Variants in TBL1X observed in about 807,000 individuals in gnomAD.
TBL1X encodes F-box-like/WD repeat-containing protein TBL1X.
A neutral mutation model predicts 50.7 loss-of-function variants in TBL1X; 10 were observed. The ratio of observed to expected loss-of-function variants is 0.20; its 90% CI spans 0.12 to 0.33. TBL1X has a LOEUF of 0.33. TBL1X is among the 10% of genes least tolerant of loss of function. TBL1X has a pLI of 1.00. For missense variants in TBL1X, 340 were observed against 504.4 expected (o/e 0.67, Z 3.12); for synonymous variants, 190 against 214.7 (o/e 0.88, Z 1.01).
At chrX:9,626,257 C>T (rs1163461003) in intron 2 of TBL1X, among the ~76,000 whole-genome samples, 2 of 111,882 alleles carry the variant, frequency 1.8e-5, no homozygotes, top group African/African-American at 3.3e-5. Flanking sequence ...TGCCCAGACA[C>T]TAAAGTCACA....
intron 2 of TBL1X, among the ~76,000 whole-genome samples, chrX:9,586,996 G>A (rs1314323236): frequency 8.9e-6 from 1 of 112,393 alleles, no homozygotes; most frequent in East Asian, 2.8e-4. Flanking sequence ...AATTAGATTT[G>A]CCTTGTCAGT....
intron 2 of TBL1X, among the ~76,000 whole-genome samples, chrX:9,519,043 G>A (rs148396068): frequency 5.0e-4 from 55 of 110,576 alleles, no homozygotes; most frequent in Non-Finnish European, 7.9e-4. Flanking sequence ...CTGCCTTTGC[G>A]TTCACTATTT....
chrX:9,654,442 T>A, intron 5 of TBL1X, 120 bp downstream of exon 5: 1 of 780,836 alleles, frequency 1.3e-6, no homozygotes, highest in Non-Finnish European at 1.9e-6. Context: ...AAGAAGGTTC[T>A]TAGTGCTGAT....
At chrX:9,578,534 C>T (rs1026318410) in intron 2 of TBL1X, among the ~76,000 whole-genome samples, 6 of 111,473 alleles carry the variant, frequency 5.4e-5, no homozygotes, top group Non-Finnish European at 1.1e-4. Context: ...GAAAGGAGCA[C>T]GAGGAGACGG....
chrX:9,518,242 G>A (rs1452505427), intron 2 of TBL1X, among the ~76,000 whole-genome samples: 1 of 112,495 alleles, frequency 8.9e-6, no homozygotes, highest in African/African-American at 3.2e-5. Context: ...ACAACAAGGG[G>A]TGTTGCAACC....
chrX:9,501,810 A>G lies in TBL1X; in HGVS notation c.-170A>G, dbSNP rs1204929436. 1 of 111,427 alleles carries G rather than the reference A, an allele frequency of 9.0e-6. No homozygotes were observed. The highest frequency in any genetic ancestry group is 3.3e-5 in the African/African-American group (1 of 30,640). The allele number at this position is 111,427 out of a possible 1,213,427, so 9.2% of individuals were successfully genotyped here. ...CGTGAGGGTGGAAGAAAATCATACC[A>G]TATCAGATGCCTCGCAGAGCACCAG... is the stretch of plus-strand genomic sequence containing the variant. On this transcript the variant is annotated 5_prime_UTR_variant, in exon 2 of 18. Coordinates refer to ENST00000645353, the MANE Select transcript of TBL1X (RefSeq NM_005647.4).
chrX:9,480,840 A>G (rs2081878470), intron 1 of TBL1X, among the ~76,000 whole-genome samples: 1 of 98,826 alleles, frequency 1.0e-5, no homozygotes, highest in African/African-American at 3.8e-5. Flanking sequence ...TATTTGGCTT[A>G]TTTGATATAT....
chrX:9,690,088 C>A (rs1173132069), intron 7 of TBL1X, among the ~76,000 whole-genome samples: 2 of 112,407 alleles, frequency 1.8e-5, no homozygotes, highest in African/African-American at 3.2e-5. Context: ...AAACTGTTAA[C>A]CATGGCTAAT....
intron 1 of TBL1X, among the ~76,000 whole-genome samples, chrX:9,500,753 G>GC (rs1287303996): frequency 1.8e-5 from 2 of 112,221 alleles, no homozygotes; most frequent in Non-Finnish European, 3.8e-5. Context: ...AGGGCCATGT[G>GC]CCCAGAGCAT....
intron 2 of TBL1X, among the ~76,000 whole-genome samples, chrX:9,607,043 C>T (rs2082587176): frequency 8.9e-6 from 1 of 112,627 alleles, no homozygotes; most frequent in Admixed American, 9.4e-5. Flanking sequence ...TTCCCTTTTA[C>T]TCAGGATTTC....
chrX:9,668,569 T>G (rs773517124), intron 5 of TBL1X, among the ~76,000 whole-genome samples: 3 of 112,591 alleles, frequency 2.7e-5, no homozygotes, highest in Admixed American at 9.4e-5. Flanking sequence ...ACCTGATTTC[T>G]GCAGAATTTA....
At chrX:9,622,842 G>A (rs140894904) in intron 2 of TBL1X, among the ~76,000 whole-genome samples, 73 of 111,583 alleles carry the variant, frequency 6.5e-4, no homozygotes, top group Middle Eastern at 4.6e-3. Flanking sequence ...GTCATTGTTC[G>A]TATAAACAGC....
intron 1 of TBL1X, among the ~76,000 whole-genome samples, chrX:9,481,162 G>T (rs2081880198): frequency 9.0e-6 from 1 of 111,656 alleles, no homozygotes; most frequent in Admixed American, 9.6e-5. Context: ...TTTGGAGATT[G>T]TGACATTAAA....
At chrX:9,630,743 T>A (rs900123758) in intron 2 of TBL1X, among the ~76,000 whole-genome samples, 6 of 111,230 alleles carry the variant, frequency 5.4e-5, no homozygotes, top group Non-Finnish European at 1.1e-4. Context: ...GCCCAGCTAA[T>A]TTTTGTATTT....
chrX:9,651,017 T>C (rs1205047180), intron 3 of TBL1X, among the ~76,000 whole-genome samples: 4 of 14,624 alleles, frequency 2.7e-4, no homozygotes, highest in Non-Finnish European at 4.3e-4. Context: ...CAGCCTTTTT[T>C]TTTTTTTTTT....
chrX:9,590,149 G>A (rs1436434876), intron 2 of TBL1X, among the ~76,000 whole-genome samples: 1 of 111,971 alleles, frequency 8.9e-6, no homozygotes, highest in Non-Finnish European at 1.9e-5. Context: ...TGGGCTCCTG[G>A]GAGAGAGAAA....
At chrX:9,674,618 G>T (rs1223102579) in intron 5 of TBL1X, among the ~76,000 whole-genome samples, 1 of 101,466 alleles carries the variant, frequency 9.9e-6, no homozygotes. Context: ...CTGGAGTGCA[G>T]TGGCACAATC....
intron 2 of TBL1X, among the ~76,000 whole-genome samples, chrX:9,568,486 C>T (rs962603930): frequency 1.5e-4 from 16 of 104,078 alleles, no homozygotes; most frequent in African/African-American, 5.1e-4. Flanking sequence ...CTATCTGCAC[C>T]GTGGTTTGTG....
chrX:9,663,362 G>A (rs1416085249), intron 5 of TBL1X, among the ~76,000 whole-genome samples: 3 of 112,121 alleles, frequency 2.7e-5, no homozygotes, highest in African/African-American at 9.7e-5. Context: ...TGCCTGTGCC[G>A]TGGAGCACCA....
Sources: gnomAD v4.1 joint callset for allele counts (sites outside exome capture counted in the v4.1 genomes callset) on GRCh38, gnomAD v4.1.1 for gene constraint, MANE v1.5 for transcripts, NCBI Gene and HGNC (gene_info 2026-07-23, HGNC 2026-07-21) for gene names.